Variants in COBLL1 observed in about 807,000 individuals in gnomAD.
COBLL1 encodes cordon-bleu WH2 repeat protein like 1, also known as cordon-bleu protein-like 1.
In COBLL1, 50 loss-of-function variants were observed where a neutral mutation model predicts 94.8. The observed-to-expected ratio is 0.53, with a 90% CI of 0.42 to 0.67. COBLL1 has a LOEUF of 0.67. COBLL1 is among the 30% of genes least tolerant of loss of function. The pLI is 0.00. For synonymous variants in COBLL1, 448 were observed against 473.8 expected (o/e 0.95, Z 0.71); for missense variants, 1,362 against 1,348.7 (o/e 1.01, Z -0.15).
chr2:164,792,811 C>T (rs1019916078), intron 2 of COBLL1, among the ~76,000 whole-genome samples: 23 of 152,144 alleles, frequency 1.5e-4, no homozygotes, highest in African/African-American at 5.6e-4. Flanking sequence ...TGTTACTCCT[C>T]AAACACGCCT....
intron 12 of COBLL1, 148 bp downstream of exon 12, chr2:164,694,121 G>A: frequency 1.4e-6 from 1 of 740,030 alleles, no homozygotes; most frequent in South Asian, 1.9e-5. Context: ...CAGATTTTAT[G>A]TATCACCACT....
intron 2 of COBLL1, among the ~76,000 whole-genome samples, chr2:164,786,550 T>A (rs1688964701): frequency 6.6e-6 from 1 of 152,114 alleles, no homozygotes; most frequent in Non-Finnish European, 1.5e-5. Context: ...GTTTCTTGGG[T>A]GATCCAGGAG....
chr2:164,688,063 GAA>G (rs10601676), intron 13 of COBLL1, among the ~76,000 whole-genome samples: 70,233 of 151,704 alleles, frequency 0.46, 18,584 homozygotes, highest in African/African-American at 0.73. Context: ...AATAGTATAT[GAA>G]TATATATATA....
At chr2:164,759,682 A>G (rs575259489) in intron 2 of COBLL1, among the ~76,000 whole-genome samples, 308 of 152,338 alleles carry the variant, frequency 2.0e-3, no homozygotes, top group African/African-American at 6.3e-3. Context: ...AAAAAGACAT[A>G]TCTAGCATAT....
chr2:164,805,317 C>CTATATA (rs1684046737), intron 2 of COBLL1, among the ~76,000 whole-genome samples: 2 of 35,654 alleles, frequency 5.6e-5, no homozygotes, highest in African/African-American at 1.1e-4. Flanking sequence ...CTCTCTCTCT[C>CTATATA]TCTCTCTCTC....
intron 2 of COBLL1, among the ~76,000 whole-genome samples, chr2:164,760,377 C>G (rs138933296): frequency 7.6e-4 from 116 of 152,112 alleles, no homozygotes; most frequent in Middle Eastern, 3.4e-3. Context: ...TCAATGGCAG[C>G]CAAATTTGGA....
chr2:164,748,969 C>T (rs1385900691), intron 2 of COBLL1, among the ~76,000 whole-genome samples: 1 of 152,024 alleles, frequency 6.6e-6, no homozygotes, highest in Non-Finnish European at 1.5e-5. Context: ...CATTTTAACA[C>T]CGAATTCAAT....
intron 2 of COBLL1, among the ~76,000 whole-genome samples, chr2:164,819,774 A>G (rs756766091): frequency 5.3e-5 from 8 of 151,832 alleles, no homozygotes; most frequent in African/African-American, 1.9e-4. Context: ...TCCACAGGGT[A>G]AAAAAGAACA....
intron 2 of COBLL1, among the ~76,000 whole-genome samples, chr2:164,768,165 A>G (rs905317844): frequency 6.6e-6 from 1 of 152,178 alleles, no homozygotes; most frequent in Non-Finnish European, 1.5e-5. Context: ...GTTTGTCCAA[A>G]CAAGTGCAGG....
At chr2:164,743,587 A>T (rs749979374) in intron 3 of COBLL1, 100 bp downstream of exon 3, 126 of 940,616 alleles carry the variant, frequency 1.3e-4, no homozygotes, top group Non-Finnish European at 1.7e-4. Context: ...TGATAAATGA[A>T]GTGTTTTGTC....
chr2:164,695,563 C>A lies in COBLL1; in HGVS notation c.1829G>T (p.Cys610Phe), dbSNP rs750508324. Residue 610 changes from cysteine (C) to phenylalanine (F), a missense_variant, in exon 12 of 14, where the codon TGT (cysteine) becomes TTT (phenylalanine). Coordinates refer to ENST00000652658, the MANE Select transcript of COBLL1 (RefSeq NM_001365672.2). Reference protein sequence around the residue: ...KDAAIQTTPSCNSFDGKHQDH... With the variant: ...KDAAIQTTPSFNSFDGKHQDH... ...TTGGTGTTTCCCATCAAAACTGTTA[C>A]AAGAAGGGGTTGTCTGAATTGCTGC... 2.5e-6 allele frequency: 4 copies of A among 1,613,798 alleles called. No individual in the cohort carries two copies. The highest frequency in any genetic ancestry group is 3.4e-6 in the Non-Finnish European group (4 of 1,179,922).
intron 2 of COBLL1, among the ~76,000 whole-genome samples, chr2:164,811,844 G>A (rs1231433941): frequency 9.9e-5 from 15 of 151,690 alleles, no homozygotes; most frequent in African/African-American, 7.3e-5. Context: ...CAAATTGAAC[G>A]CTAGAAGCAT....
chr2:164,713,877 C>T (rs868736120), intron 7 of COBLL1, among the ~76,000 whole-genome samples: 42 of 152,186 alleles, frequency 2.8e-4, no homozygotes, highest in Middle Eastern at 3.4e-3. Flanking sequence ...CAAACCAAAA[C>T]AAGCACGTTC....
intron 2 of COBLL1, chr2:164,761,180 G>T (rs573523325): frequency 2.6e-5 from 4 of 152,384 alleles, no homozygotes; most frequent in African/African-American, 9.7e-5. Flanking sequence ...AGGCCAAGGC[G>T]GGTGGATCGC....
rs1574583654 is a variant in COBLL1 at position 164,785,164 on chromosome 2, T to C, written c.42-41289A>G. 2.0e-5 allele frequency among the ~76,000 whole-genome samples: 3 copies of C among 152,268 alleles called. No homozygotes were observed. The South Asian group carries it at 6.2e-4, about 32-fold the overall frequency. The stretch of plus-strand genomic sequence containing the variant: ...TTTCTAGTCTTTAGAAGTTACCTAG[T>C]CTGGTAATTTGGGCTGGAGTCTGAG... On this transcript the variant is annotated intron_variant, in intron 2 of 13. Transcript: ENST00000652658.
intron 2 of COBLL1, among the ~76,000 whole-genome samples, chr2:164,781,619 G>A (rs1382636037): frequency 1.3e-5 from 2 of 152,130 alleles, no homozygotes; most frequent in African/African-American, 2.4e-5. Flanking sequence ...AATTAGTCAA[G>A]GCAGTAGTAC....
intron 2 of COBLL1, among the ~76,000 whole-genome samples, chr2:164,811,007 C>T (rs1684432161): frequency 6.6e-6 from 1 of 151,418 alleles, no homozygotes; most frequent in South Asian, 2.1e-4. Flanking sequence ...GAAAGAAAGC[C>T]CCAGGAACAA....
chr2:164,682,902 T>G lies in COBLL1; in HGVS notation c.*3044A>C, dbSNP rs2105399187. 6.6e-6 allele frequency: 1 copy of G among 152,050 alleles called. No homozygotes were observed. The highest frequency in any genetic ancestry group is 2.4e-5 in the African/African-American group (1 of 41,478). 9.4% of individuals were successfully genotyped at this position (152,050 alleles called of 1,614,324 possible). On this transcript the variant is annotated 3_prime_UTR_variant, in exon 14 of 14. Coordinates refer to ENST00000652658, the MANE Select transcript of COBLL1 (RefSeq NM_001365672.2). ...ATGGCTAACAGAAATACGATCGATCTGTATGTGTAAAAAGAAAAGCTCTTC... is the reference window on the plus strand; with the variant it reads ...ATGGCTAACAGAAATACGATCGATCGGTATGTGTAAAAAGAAAAGCTCTTC...
intron 7 of COBLL1, among the ~76,000 whole-genome samples, chr2:164,718,544 A>C (rs1685291871): frequency 6.6e-6 from 1 of 152,198 alleles, no homozygotes; most frequent in African/African-American, 2.4e-5. Flanking sequence ...GGAAAGACAC[A>C]CAAGAAACTG....
Sources: gnomAD v4.1 joint callset for allele counts (sites outside exome capture counted in the v4.1 genomes callset) on GRCh38, gnomAD v4.1.1 for gene constraint, MANE v1.5 for transcripts, NCBI Gene and HGNC (gene_info 2026-07-23, HGNC 2026-07-21) for gene names.